The following EDNRB variants were observed in gnomAD, a reference collection of about 807,000 sequenced individuals.
EDNRB encodes Hirschsprung disease 2.
Under a neutral mutation model 46.4 loss-of-function variants are expected in EDNRB, and 18 were observed. The observed-to-expected ratio is 0.39, with a 90% CI of 0.27 to 0.57. The LOEUF (loss-of-function observed/expected upper bound fraction) is 0.57. EDNRB is among the 20% of genes least tolerant of loss of function. The pLI, the probability that EDNRB is intolerant of heterozygous loss-of-function variation, is 0.61. For synonymous variants in EDNRB, 213 were observed against 204.9 expected, an observed-to-expected ratio of 1.04 and a Z score of -0.34; for missense variants, 434 against 537.5, an observed-to-expected ratio of 0.81 and a Z score of 1.90.
At position 77,954,520 on chromosome 13, in the gene EDNRB, A is replaced by G. The variant is rs189901729; in HGVS notation, c.-52+20827T>C. ...TATTTATTTATTTATTTATTTATTTATTTATTTTTGAGACAGAGTCTCACT... is the reference window on the plus strand; with the variant it reads ...TATTTATTTATTTATTTATTTATTTGTTTATTTTTGAGACAGAGTCTCACT... On this transcript the variant is annotated intron_variant, in intron 1 of 7. Coordinates refer to the EDNRB transcript ENST00000646948. Among the ~76,000 whole-genome samples, 346 of 134,556 alleles carry G rather than the reference A, an allele frequency of 2.6e-3. 2 individuals carry two copies. The highest frequency in any genetic ancestry group is 4.1e-3 in the Non-Finnish European group (253 of 61,580). 88.3% of individuals were successfully genotyped at this position (134,556 alleles called of 152,430 possible).
rs200237398 is a variant in EDNRB, at chr13:77,897,435, A to G, written c.*765T>C. The G allele has an allele frequency of 5.1e-6, 5 of 985,142 alleles. No homozygotes were observed. The highest frequency in any genetic ancestry group is 1.7e-5 in the African/African-American group (1 of 57,354). 61.0% of individuals were successfully genotyped at this position (985,142 alleles called of 1,614,324 possible). On this transcript the variant is annotated 3_prime_UTR_variant, in exon 7 of 7. Coordinates refer to ENST00000646607, the MANE Select transcript of EDNRB (RefSeq NM_001122659.3). ...ATTCTATTTCTCTTTGTGAGGTTTG[A>G]TCTTAACTGAATGTAAAGGATGTAA... is the stretch of plus-strand genomic sequence containing the variant.
At position 77,926,773 on chromosome 13, in the gene EDNRB, G is replaced by A. The variant is rs575286655; in HGVS notation, c.-51-8149C>T. Among the ~76,000 whole-genome samples the A allele has an allele frequency of 5.3e-5, 8 of 152,258 alleles. No individual in the cohort carries two copies. In the South Asian group the frequency reaches 1.0e-3, roughly 20 times the overall value. ...TGTTACCAATTTACTGTATTAGTCC[G>A]TTTTCATGCTGCTGATAAAGATATA... On this transcript the variant is annotated intron_variant, in intron 1 of 7. Transcript: ENST00000646948.
chr13:77,911,284 C>T (rs1322438712), intron 1 of EDNRB, among the ~76,000 whole-genome samples: 2 of 151,994 alleles, frequency 1.3e-5, no homozygotes. Context: ...ATGAATTCAA[C>T]AAACCTTATT....
At chr13:77,964,697 T>C (rs1015907722) in intron 1 of EDNRB, among the ~76,000 whole-genome samples, 2 of 152,002 alleles carry the variant, frequency 1.3e-5, no homozygotes, top group African/African-American at 4.8e-5. Flanking sequence ...TTAATGGGTG[T>C]AGCACACCAA....
At chr13:77,948,002 A>T (rs1251263315) in intron 1 of EDNRB, among the ~76,000 whole-genome samples, 2 of 152,164 alleles carry the variant, frequency 1.3e-5, no homozygotes, top group African/African-American at 4.8e-5. Flanking sequence ...GGAGTGGGTA[A>T]TTATTGTGAG....
At chr13:77,948,339 C>G (rs979925272) in intron 1 of EDNRB, among the ~76,000 whole-genome samples, 1 of 152,016 alleles carries the variant, frequency 6.6e-6, no homozygotes, top group African/African-American at 2.4e-5. Flanking sequence ...AATCTTTGCT[C>G]TAAAAATAGA....
chr13:77,925,912 A>G (rs1880223800), intron 1 of EDNRB, among the ~76,000 whole-genome samples: 1 of 152,254 alleles, frequency 6.6e-6, no homozygotes, highest in African/African-American at 2.4e-5. Context: ...CCACAGGGGC[A>G]GAGCTGCCCA....
chr13:77,934,147 G>A (rs1038828899), intron 1 of EDNRB, among the ~76,000 whole-genome samples: 7 of 152,192 alleles, frequency 4.6e-5, no homozygotes, highest in South Asian at 2.1e-4. Flanking sequence ...GCATGTATGC[G>A]TAGTTGAGAA....
chr13:77,896,698 A>T lies in EDNRB; in HGVS notation c.*1502T>A. On this transcript the variant is annotated 3_prime_UTR_variant, in exon 7 of 7. Coordinates refer to ENST00000646607, the MANE Select transcript of EDNRB (RefSeq NM_001122659.3). Reference sequence around the variant, plus strand: ...AACAAAATCAGGACCTTTTGCATTGATGTGACGAGGCAATGACGAACGTTA... The same window carrying T: ...AACAAAATCAGGACCTTTTGCATTGTTGTGACGAGGCAATGACGAACGTTA... 7.0e-7 allele frequency: 1 copy of T among 1,431,274 alleles called. No individual in the cohort carries two copies. Among genetic ancestry groups the T allele is most frequent in the Non-Finnish European group, 9.1e-7 (1 of 1,098,188 alleles). The allele number at this position is 1,431,274 out of a possible 1,614,324, so 88.7% of individuals were successfully genotyped here. A position where few individuals can be genotyped will look rare whatever the true frequency, so the allele number is the denominator to read the frequency against.
chr13:77,926,782 C>T (rs1465224287), intron 1 of EDNRB, among the ~76,000 whole-genome samples: 1 of 152,170 alleles, frequency 6.6e-6, no homozygotes, highest in Non-Finnish European at 1.5e-5. Flanking sequence ...CGTTTTCATG[C>T]TGCTGATAAA....
chr13:77,963,924 GA>G (rs1177877777), intron 1 of EDNRB, among the ~76,000 whole-genome samples: 5 of 152,094 alleles, frequency 3.3e-5, no homozygotes, highest in Admixed American at 1.3e-4. Flanking sequence ...AAATTTACAA[GA>G]AAAAAACAAA....
intron 1 of EDNRB, among the ~76,000 whole-genome samples, chr13:77,936,274 G>A (rs1432557073): frequency 6.6e-6 from 1 of 152,140 alleles, no homozygotes; most frequent in African/African-American, 2.4e-5. Flanking sequence ...CAGGGAAGCA[G>A]ATAATTTAAT....
chr13:77,969,760 C>T (rs4884077), intron 1 of EDNRB, among the ~76,000 whole-genome samples: 37,731 of 152,034 alleles, frequency 0.25, 5,843 homozygotes, highest in East Asian at 0.54. Context: ...TAGCTTGACT[C>T]TCCTTTAAAC....
intron 3 of EDNRB, among the ~76,000 whole-genome samples, chr13:77,901,603 C>T (rs561387648): frequency 6.6e-6 from 1 of 152,024 alleles, no homozygotes; most frequent in East Asian, 1.9e-4. Flanking sequence ...CATTTTTTAG[C>T]AAGTTTGTTT....
chr13:77,912,228 G>A (rs1382939212), intron 1 of EDNRB, among the ~76,000 whole-genome samples: 1 of 152,068 alleles, frequency 6.6e-6, no homozygotes, highest in Non-Finnish European at 1.5e-5. Flanking sequence ...CATATTGAAA[G>A]AAAACCTTAC....
chr13:77,900,073 G>A, intron 5 of EDNRB, 106 bp from the exon 6 acceptor site: 1 of 887,242 alleles, frequency 1.1e-6, no homozygotes, highest in Non-Finnish European at 1.8e-6. Flanking sequence ...AATATACAAT[G>A]GTTCTAAATT....
In EDNRB at chr13:77,903,274, A is replaced by G. The variant is rs1334210764; in HGVS notation, c.683T>C (p.Val228Ala). The G allele has an allele frequency of 1.2e-6, 2 of 1,613,104 alleles. No homozygotes were observed. Among genetic ancestry groups the G allele is most frequent in the South Asian group, 1.1e-5 (1 of 91,058 alleles). Residue 228 changes from valine to alanine, a missense_variant, in exon 3 of 7, where the codon GTC (valine) becomes GCC (alanine). Val to Ala is a moderately conservative substitution (Grantham distance 64). Coordinates refer to ENST00000646607, the MANE Select transcript of EDNRB (RefSeq NM_001122659.3). ...TAVEIVLIWV[V>A]SVVLAVPEAI... ...TTCAGGGACAGCCAGAACCACAGAG[A>G]CCACCCAAATCAAAACAATTTCTAC... is the stretch of plus-strand genomic sequence containing the variant.
chr13:77,916,325 C>T (rs1426811696), intron 1 of EDNRB, among the ~76,000 whole-genome samples: 1 of 152,126 alleles, frequency 6.6e-6, no homozygotes, highest in Non-Finnish European at 1.5e-5. Flanking sequence ...AATTCCTTTG[C>T]CAAATTAGAA....
rs200508807 is a variant in EDNRB, at chr13:77,918,813, C to A, written c.-240G>T. On this transcript the variant is annotated 5_prime_UTR_variant, in exon 1 of 7. Coordinates refer to ENST00000646607, the MANE Select transcript of EDNRB (RefSeq NM_001122659.3). This position sits in a 1 kb window ranked among gnomAD's most constrained non-coding sequence, Gnocchi z 4.5. ...GCGGGTCGAAACTCCTTCCTGATGC[C>A]CTCTCAGCTGTTTTTCTTCCCCCGC... is the stretch of plus-strand genomic sequence containing the variant. 134 of 1,306,554 alleles carry A rather than the reference C, an allele frequency of 1.0e-4. No homozygotes were observed. The highest frequency in any genetic ancestry group is 1.3e-4 in the Non-Finnish European group (130 of 1,032,430). 80.9% of individuals were successfully genotyped at this position (1,306,554 alleles called of 1,614,324 possible).
Sources: gnomAD v4.1 joint callset for allele counts (sites outside exome capture counted in the v4.1 genomes callset) on GRCh38, gnomAD v4.1.1 for gene constraint, Gnocchi (gnomAD v3.1) non-coding constraint, MANE v1.5 for transcripts, NCBI Gene and HGNC (gene_info 2026-07-23, HGNC 2026-07-21) for gene names.